CLCN1: variants seen among roughly 807,000 people sequenced by gnomAD.
CLCN1 encodes chloride channel protein 1.
In CLCN1, 100 loss-of-function variants were observed where a neutral mutation model predicts 114.5. The observed-to-expected ratio is 0.87, with a 90% CI of 0.74 to 1.03. The LOEUF (loss-of-function observed/expected upper bound fraction) is 1.03, where lower values mean the gene tolerates loss of function less well. CLCN1 is among the 50% of genes least tolerant of loss of function. The pLI is 0.00. For synonymous variants in CLCN1, 485 were observed against 487.1 expected, an observed-to-expected ratio of 1.00 and a Z score of 0.06; for missense variants, 1,188 against 1,250.0, an observed-to-expected ratio of 0.95 and a Z score of 0.75.
In CLCN1 at chr7:143,320,644, T is replaced by G; in HGVS notation, c.302-20T>G. 6.2e-7 allele frequency: 1 copy of G among 1,610,210 alleles called. No homozygotes were observed. Among genetic ancestry groups the G allele is most frequent in the Non-Finnish European group, 8.5e-7 (1 of 1,176,986 alleles). ...TTGTTTGTTGTTTGTTTGTTTGTTT[T>G]TTCCCTCATCTCTTCCTAGATTGTA... On this transcript the variant is annotated intron_variant, in intron 2 of 22. Transcript: ENST00000343257.
chr7:143,347,431 G>C (rs1803276332), intron 20 of CLCN1, among the ~76,000 whole-genome samples: 1 of 151,516 alleles, frequency 6.6e-6, no homozygotes. Context: ...GACCAGCCTG[G>C]CCAACGTGGT....
At position 143,336,604 on chromosome 7, in the gene CLCN1, CAAAAAA is replaced by C. The variant is rs573516521; in HGVS notation, c.1402-2633_1402-2628del. 5.0e-5 allele frequency among the ~76,000 whole-genome samples: 4 copies of C among 80,426 alleles called. 1 individual carries two copies. Among genetic ancestry groups the C allele is most frequent in the South Asian group, 9.5e-4 (2 of 2,112 alleles). 52.8% of individuals were successfully genotyped at this position (80,426 alleles called of 152,430 possible). A position where few individuals can be genotyped will look rare whatever the true frequency, so the allele number is the denominator to read the frequency against. On this transcript the variant is annotated intron_variant, in intron 12 of 22. Transcript: ENST00000343257. ...CCTGGGTGACAGAACAAGACTCTGT[CAAAAAA>C]AAAAAAAAAAAAAAAGAAGAAGAAG...
At chr7:143,347,050 G>A in intron 20 of CLCN1, 101 bp downstream of exon 20, 1 of 1,082,172 alleles carries the variant, frequency 9.2e-7, no homozygotes, top group Non-Finnish European at 1.4e-6. Flanking sequence ...GAAATAGAAT[G>A]TGGTCTGGAT....
At position 143,351,813 on chromosome 7, in the gene CLCN1, CCT is replaced by C. The variant is rs1480966586; in HGVS notation, c.2821_2822del (p.Ser941ProfsTer42). The C allele has an allele frequency of 6.2e-7, 1 of 1,614,100 alleles. No individual in the cohort carries two copies. ...TGTGCCATCTCCTTCCCCAGAGCCC[CCT>C]CTCTCCCTGGCCCCAGGCAAGGTAG... ...TPVPSPSPEPPLSLAPGKVEG... is the reference protein window; with the variant it reads ...TPVPSPSPEPXLSLAPGKVEG... On this transcript the variant is annotated frameshift_variant, in exon 23 of 23. Coordinates refer to ENST00000343257, the MANE Select transcript of CLCN1 (RefSeq NM_000083.3). LOFTEE classifies it high-confidence loss of function.
rs760430315 is a variant in CLCN1, at chr7:143,352,049, G to A, written c.*84G>A. 4.4e-6 allele frequency: 7 copies of A among 1,574,264 alleles called. No individual in the cohort carries two copies. Among genetic ancestry groups the A allele is most frequent in the Non-Finnish European group, 6.1e-6 (7 of 1,146,734 alleles). On this transcript the variant is annotated 3_prime_UTR_variant, in exon 23 of 23. Transcript: ENST00000343257. ...GTGTGGGGCAGGGTGCGTCCTGAAT[G>A]TGGCGAGGTCATGCCAATGTCGTGG...
At chr7:143,342,616 G>C (rs1803117224) in intron 16 of CLCN1, 111 bp downstream of exon 16, 1 of 1,095,572 alleles carries the variant, frequency 9.1e-7, no homozygotes, top group Admixed American at 1.9e-5. Flanking sequence ...CATCCAATGT[G>C]CTATGTACAA....
Position 143,339,117 on chromosome 7 carries a change from TGACA to T in CLCN1, c.1402-131_1402-128del. On this transcript the variant is annotated intron_variant, in intron 12 of 22. Coordinates refer to ENST00000343257, the MANE Select transcript of CLCN1 (RefSeq NM_000083.3). The surrounding 1 kb of genome is among the most constrained non-coding windows in gnomAD (Gnocchi z 4.1). Reference sequence around the variant, plus strand: ...ATGGCTTTTGTTTCTGGAAGAAGGGTGACAGACAAAGTGACTTTCAGAAGGATCA... The same window carrying T: ...ATGGCTTTTGTTTCTGGAAGAAGGGTGACAAAGTGACTTTCAGAAGGATCA... 1 of 765,672 alleles carries T rather than the reference TGACA, an allele frequency of 1.3e-6. No homozygotes were observed. 47.4% of individuals were successfully genotyped at this position (765,672 alleles called of 1,614,324 possible). A position where few individuals can be genotyped will look rare whatever the true frequency, so the allele number is the denominator to read the frequency against.
In CLCN1 at chr7:143,339,315, T is replaced by G; in HGVS notation, c.1464T>G (p.Phe488Leu). The change falls in exon 13 of 23, where the codon TTT becomes TTG. Residue 488 changes from phenylalanine to leucine, a missense_variant. Coordinates refer to ENST00000343257, the MANE Select transcript of CLCN1 (RefSeq NM_000083.3). The surrounding 1 kb of genome is among the most constrained non-coding windows in gnomAD (Gnocchi z 4.1). The stretch of plus-strand genomic sequence containing the variant: ...CCTGCGGAGGCTTCATGCCTGTGTT[T>G]GTGCTAGGTAAGTTCTGATGGGAAG... ...PIPCGGFMPV[F>L]VLGAAFGRLV... 1 of 1,612,238 alleles carries G rather than the reference T, an allele frequency of 6.2e-7. No individual in the cohort carries two copies. Among genetic ancestry groups the G allele is most frequent in the Non-Finnish European group, 8.5e-7 (1 of 1,178,222 alleles).
intron 16 of CLCN1, among the ~76,000 whole-genome samples, chr7:143,343,300 G>A (rs1156673585): frequency 6.6e-6 from 1 of 152,192 alleles, no homozygotes; most frequent in Non-Finnish European, 1.5e-5. Context: ...ATATTTGGTG[G>A]TCATTTTTAG....
chr7:143,335,661 G>GTTTTTTTT (rs367713664), intron 12 of CLCN1, among the ~76,000 whole-genome samples: 9 of 135,288 alleles, frequency 6.7e-5, no homozygotes, highest in South Asian at 2.3e-4. Context: ...CAGCTGTTTT[G>GTTTTTTTT]TTTTTTTTTT....
chr7:143,321,373 T>TG lies in CLCN1; in HGVS notation c.444dup (p.Ser149ValfsTer110), dbSNP rs1389779829. 6.2e-7 allele frequency: 1 copy of TG among 1,614,092 alleles called. No homozygotes were observed. On this transcript the variant is annotated frameshift_variant, in exon 4 of 23. Transcript: ENST00000343257. LOFTEE classifies it high-confidence loss of function. This position sits in a 1 kb window ranked among gnomAD's most constrained non-coding sequence, Gnocchi z 4.2. Reference sequence around the variant, plus strand: ...GGCATGTGTCTCCGCAGCCTACAAGTGGTCCTACGCGCAGATGCAGCCCAG... The same window carrying TG: ...GGCATGTGTCTCCGCAGCCTACAAGTGGGTCCTACGCGCAGATGCAGCCCAG...
chr7:143,323,788 C>T lies in CLCN1; in HGVS notation c.774+402C>T, dbSNP rs540378731. ...ACGTCCCGCCTGCCCCACCCCTCCA[C>T]CCCCTTGTCCCGCGTGCTTCTCTGT... On this transcript the variant is annotated intron_variant, in intron 6 of 22. Transcript: ENST00000343257. The T allele has an allele frequency of 1.5e-5, 7 of 478,636 alleles. No individual in the cohort carries two copies. In the East Asian group the frequency reaches 4.7e-4, roughly 32 times the overall value. The allele number at this position is 478,636 out of a possible 1,614,324, so 29.6% of individuals were successfully genotyped here.
At chr7:143,342,624 CAAGG>C in intron 16 of CLCN1, 119 bp downstream of exon 16, 1 of 1,006,638 alleles carries the variant, frequency 9.9e-7, no homozygotes, top group Non-Finnish European at 1.5e-6. Context: ...GTGCTATGTA[CAAGG>C]AAGGAAAAAT....
At position 143,321,425 on chromosome 7, in the gene CLCN1, T is replaced by G. The variant is rs1586485438; in HGVS notation, c.494T>G (p.Val165Gly). ...CTTCCTCTGCAGTTCCTGGTCTGGG[T>G]CACCTTCCCACTAGTCCTCATCCTC... ...PSLPLQFLVW[V>G]TFPLVLILFS... is the part of the protein sequence containing the mutation. The change falls in exon 4 of 23, where the codon GTC becomes GGC. Residue 165 changes from valine (V) to glycine (G), a missense_variant. Transcript: ENST00000343257. The surrounding 1 kb of genome is among the most constrained non-coding windows in gnomAD (Gnocchi z 4.2). The G allele has an allele frequency of 1.2e-6, 2 of 1,614,106 alleles. No homozygotes were observed. Among genetic ancestry groups the G allele is most frequent in the Non-Finnish European group, 1.7e-6 (2 of 1,180,012 alleles).
intron 6 of CLCN1, chr7:143,323,783 C>A (rs946154908): frequency 4.2e-5 from 20 of 480,194 alleles, no homozygotes; most frequent in African/African-American, 4.0e-4. Context: ...TGCCCCACCC[C>A]TCCACCCCCT....
At chr7:143,344,060 G>C (rs541475835) in intron 16 of CLCN1, among the ~76,000 whole-genome samples, 1 of 152,120 alleles carries the variant, frequency 6.6e-6, no homozygotes, top group Non-Finnish European at 1.5e-5. Flanking sequence ...GGCTGGTCTC[G>C]AACTCCTGAC....
chr7:143,350,779 TC>T lies in CLCN1; in HGVS notation c.2595+126del. On this transcript the variant is annotated intron_variant, in intron 22 of 22. Coordinates refer to ENST00000343257, the MANE Select transcript of CLCN1 (RefSeq NM_000083.3). This position sits in a 1 kb window ranked among gnomAD's most constrained non-coding sequence, Gnocchi z 5.1. ...CCTCAGATTCCCTTCTCTATTTCTT[TC>T]TTTTTTTTTTTTTTGAGACAGAGTT... The T allele has an allele frequency of 2.9e-6, 2 of 695,318 alleles. No individual in the cohort carries two copies. The highest frequency in any genetic ancestry group is 3.5e-5 in the South Asian group (2 of 56,468). 43.1% of individuals were successfully genotyped at this position (695,318 alleles called of 1,614,324 possible). A position where few individuals can be genotyped will look rare whatever the true frequency, so the allele number is the denominator to read the frequency against.
rs62471044 is a variant in CLCN1 at position 143,342,687 on chromosome 7, G to A, written c.1930+182G>A. On this transcript the variant is annotated intron_variant, in intron 16 of 22. Coordinates refer to ENST00000343257, the MANE Select transcript of CLCN1 (RefSeq NM_000083.3). Reference sequence around the variant, plus strand: ...AGACAGTTAAAAATGCAATTAAAAGGTCCTGGCATGGTGGCTCATGCCTGT... The same window carrying A: ...AGACAGTTAAAAATGCAATTAAAAGATCCTGGCATGGTGGCTCATGCCTGT... 0.2 allele frequency among the ~76,000 whole-genome samples: 29,767 copies of A among 152,052 alleles called. 2,953 individuals are homozygous for A. Among genetic ancestry groups the A allele is most frequent in the Non-Finnish European group, 0.22 (14,839 of 67,968 alleles).
rs186046548 is a variant in CLCN1 at position 143,351,025 on chromosome 7, G to A, written c.2595+371G>A. 1.8e-3 allele frequency among the ~76,000 whole-genome samples: 268 copies of A among 152,226 alleles called. 1 individual carries two copies. Among genetic ancestry groups the A allele is most frequent in the African/African-American group, 6.2e-3 (256 of 41,540 alleles). ...ACTCCTGACCTCAGGTGATCCGCCC[G>A]CCTCGGCTTCCCAAAATGCTGCGAT... On this transcript the variant is annotated intron_variant, in intron 22 of 22. Coordinates refer to ENST00000343257, the MANE Select transcript of CLCN1 (RefSeq NM_000083.3).
Sources: gnomAD v4.1 joint callset for allele counts (sites outside exome capture counted in the v4.1 genomes callset) on GRCh38, gnomAD v4.1.1 for gene constraint, Gnocchi (gnomAD v3.1) non-coding constraint, MANE v1.5 for transcripts, NCBI Gene and HGNC (gene_info 2026-07-23, HGNC 2026-07-21) for gene names.